Variants in AJAP1 observed in about 807,000 individuals in gnomAD.
AJAP1 encodes adherens junction-associated protein 1.
A neutral mutation model predicts 35.0 loss-of-function variants in AJAP1; 5 were observed. The observed-to-expected ratio is 0.14, with a 90% CI of 0.07 to 0.30. The LOEUF (loss-of-function observed/expected upper bound fraction) is 0.30, where lower values mean the gene tolerates loss of function less well. Among genes scored for constraint, AJAP1 ranks in the 10% least tolerant of loss-of-function variants. The probability of loss-of-function intolerance (pLI) is 1.00; values close to 1 mark genes in which losing one functional copy is unlikely to be tolerated. For missense variants in AJAP1, 586 were observed against 571.0 expected, an observed-to-expected ratio of 1.03 and a Z score of -0.27; for synonymous variants, 284 against 249.3, an observed-to-expected ratio of 1.14 and a Z score of -1.31.
chr1:4,702,790 G>A (rs1040263023), intron 1 of AJAP1, among the ~76,000 whole-genome samples: 11 of 152,168 alleles, frequency 7.2e-5, no homozygotes, highest in South Asian at 2.1e-4. Context: ...GTTCTGGGCC[G>A]CCTCCCAGAG....
At position 4,788,617 on chromosome 1, in the gene AJAP1, C is replaced by T. The variant is rs936956816; in HGVS notation, c.*6132C>T. 1 of 152,320 alleles carries T rather than the reference C, an allele frequency of 6.6e-6. No homozygotes were observed. Among genetic ancestry groups the T allele is most frequent in the African/African-American group, 2.4e-5 (1 of 41,438 alleles). The allele number at this position is 152,320 out of a possible 1,614,324, so 9.4% of individuals were successfully genotyped here. A position where few individuals can be genotyped will look rare whatever the true frequency, so the allele number is the denominator to read the frequency against. On this transcript the variant is annotated 3_prime_UTR_variant, in exon 6 of 6. Coordinates refer to ENST00000378191, the MANE Select transcript of AJAP1 (RefSeq NM_018836.4). ...CCCACCCTACTCTCTGCCTGAAACA[C>T]AAAGCAGCTCCCCTCAGAACAGCCA...
chr1:4,786,607 C>T lies in AJAP1; in HGVS notation c.*4122C>T, dbSNP rs1642164938. Reference sequence around the variant, plus strand: ...AAAGGTGAACGCACCAAAGGATCGACCCTGTCACCTTGGATGGTCTCTATT... The same window carrying T: ...AAAGGTGAACGCACCAAAGGATCGATCCTGTCACCTTGGATGGTCTCTATT... On this transcript the variant is annotated 3_prime_UTR_variant, in exon 6 of 6. Coordinates refer to ENST00000378191, the MANE Select transcript of AJAP1 (RefSeq NM_018836.4). The T allele has an allele frequency of 6.6e-6, 1 of 152,196 alleles. No individual in the cohort carries two copies. The highest frequency in any genetic ancestry group is 1.5e-5 in the Non-Finnish European group (1 of 68,050). 9.4% of individuals were successfully genotyped at this position (152,196 alleles called of 1,614,324 possible). A position where few individuals can be genotyped will look rare whatever the true frequency, so the allele number is the denominator to read the frequency against.
intron 2 of AJAP1, among the ~76,000 whole-genome samples, chr1:4,738,118 T>G (rs1640973038): frequency 6.6e-6 from 1 of 152,198 alleles, no homozygotes; most frequent in Non-Finnish European, 1.5e-5. Context: ...CTTCTTGTCT[T>G]GCTAATGTTT....
chr1:4,747,259 C>T (rs1396463638), intron 2 of AJAP1, among the ~76,000 whole-genome samples: 1 of 152,158 alleles, frequency 6.6e-6, no homozygotes, highest in African/African-American at 2.4e-5. Context: ...CTCTGGCCCT[C>T]TCCACTTGCC....
intron 1 of AJAP1, among the ~76,000 whole-genome samples, chr1:4,672,681 G>A (rs1387778462): frequency 6.6e-6 from 1 of 152,202 alleles, no homozygotes; most frequent in Non-Finnish European, 1.5e-5. Context: ...CATCCAGGCT[G>A]TGTGAGTGAG....
intron 2 of AJAP1, among the ~76,000 whole-genome samples, chr1:4,756,011 C>G (rs1005441595): frequency 6.6e-6 from 1 of 152,110 alleles, no homozygotes; most frequent in African/African-American, 2.4e-5. Flanking sequence ...GCTAAACTCA[C>G]TTAGCAGGGT....
At chr1:4,760,419 A>G (rs1641538811) in intron 2 of AJAP1, among the ~76,000 whole-genome samples, 1 of 152,088 alleles carries the variant, frequency 6.6e-6, no homozygotes. Context: ...GTGTTCATGC[A>G]TGCTTTGGAA....
chr1:4,713,608 G>T (rs979213457), intron 2 of AJAP1, among the ~76,000 whole-genome samples: 3 of 152,230 alleles, frequency 2.0e-5, no homozygotes, highest in Non-Finnish European at 4.4e-5. Flanking sequence ...GGAGAGCGCA[G>T]AGCCCTGGGC....
Position 4,693,889 on chromosome 1 carries a change from C to G in AJAP1, c.30-18011C>G, listed in dbSNP as rs184226006. On this transcript the variant is annotated intron_variant, in intron 1 of 5. Coordinates refer to ENST00000378191, the MANE Select transcript of AJAP1 (RefSeq NM_018836.4). The surrounding 1 kb of genome is among the most constrained non-coding windows in gnomAD (Gnocchi z 4.4). Reference sequence around the variant, plus strand: ...AAGGGGGCAGAGCCTTCAGGGCCCCCTCACCTCTTACAGGTCCCACCTCAG... The same window carrying G: ...AAGGGGGCAGAGCCTTCAGGGCCCCGTCACCTCTTACAGGTCCCACCTCAG... Among the ~76,000 whole-genome samples, 351 of 152,300 alleles carry G rather than the reference C, an allele frequency of 2.3e-3. No individual in the cohort carries two copies. Among genetic ancestry groups the G allele is most frequent in the African/African-American group, 7.7e-3 (318 of 41,560 alleles).
chr1:4,717,123 A>G (rs1640410687), intron 2 of AJAP1, among the ~76,000 whole-genome samples: 1 of 152,214 alleles, frequency 6.6e-6, no homozygotes, highest in Admixed American at 6.5e-5. Context: ...GGAATCACAG[A>G]GTCTCCTGGG....
At chr1:4,756,734 A>C (rs1641440530) in intron 2 of AJAP1, among the ~76,000 whole-genome samples, 1 of 152,202 alleles carries the variant, frequency 6.6e-6, no homozygotes, top group African/African-American at 2.4e-5. Context: ...TTCTGAAACA[A>C]GTTTGCTTTC....
At position 4,733,994 on chromosome 1, in the gene AJAP1, C is replaced by T. The variant is rs146510809; in HGVS notation, c.829+21295C>T. 4.1e-3 allele frequency among the ~76,000 whole-genome samples: 632 copies of T among 152,300 alleles called. 5 individuals carry two copies. The highest frequency in any genetic ancestry group is 0.014 in the African/African-American group (574 of 41,558). On this transcript the variant is annotated intron_variant, in intron 2 of 5. Transcript: ENST00000378191. ...AGCGGTTCACGCGAGGTGTGTGCGT[C>T]GCGAGCAGGGCCCTTGCCGGAGCTC...
rs750405906 is a variant in AJAP1 at position 4,655,453 on chromosome 1, A to G, written c.28A>G (p.Ser10Gly). The change falls in exon 1 of 6, where the codon AGC (serine) becomes GGC (glycine). Residue 10 changes from serine (S) to glycine (G), a missense_variant and splice_region_variant. Physicochemically the swap from Ser to Gly is moderately conservative, Grantham distance 56 (BLOSUM62 0). Transcript: ENST00000378191. The surrounding 1 kb of genome is among the most constrained non-coding windows in gnomAD (Gnocchi z 6.9). MWIQQLLGL[S>G]SMSIRWPGRP... Reference sequence around the variant, plus strand: ...GTGGATTCAACAGCTTTTAGGACTCAGGTGAGCGACCCGGCCGGCGCCGGG... The same window carrying G: ...GTGGATTCAACAGCTTTTAGGACTCGGGTGAGCGACCCGGCCGGCGCCGGG... The G allele has an allele frequency of 6.4e-7, 1 of 1,568,708 alleles. No homozygotes were observed. The highest frequency in any genetic ancestry group is 2.5e-5 in the East Asian group (1 of 39,878).
intron 1 of AJAP1, among the ~76,000 whole-genome samples, chr1:4,705,070 T>C (rs1458489337): frequency 5.3e-5 from 8 of 152,294 alleles, no homozygotes; most frequent in Admixed American, 3.3e-4. Context: ...CTTTGTCAGA[T>C]AAGTAGGTTG....
At chr1:4,678,353 C>T (rs1220204797) in intron 1 of AJAP1, among the ~76,000 whole-genome samples, 1 of 152,230 alleles carries the variant, frequency 6.6e-6, no homozygotes, top group African/African-American at 2.4e-5. Context: ...TATTATCTCA[C>T]ATGTTCCCTG....
intron 1 of AJAP1, among the ~76,000 whole-genome samples, chr1:4,670,707 T>C (rs554802397): frequency 6.6e-6 from 1 of 152,356 alleles, no homozygotes; most frequent in South Asian, 2.1e-4. Flanking sequence ...CCAGCCTCAT[T>C]GGTCTCCAGT....
Position 4,698,366 on chromosome 1 carries a change from C to G in AJAP1, c.30-13534C>G, listed in dbSNP as rs556076090. Among the ~76,000 whole-genome samples, 7 of 152,282 alleles carry G rather than the reference C, an allele frequency of 4.6e-5. No homozygotes were observed. In the East Asian group the frequency reaches 1.4e-3, roughly 30 times the overall value. ...GAGTCTTCATCTCACAGACCTTGGT[C>G]CCCTGCAAAGGCGTCATTTACATTC... is the stretch of plus-strand genomic sequence containing the variant. On this transcript the variant is annotated intron_variant, in intron 1 of 5. Coordinates refer to ENST00000378191, the MANE Select transcript of AJAP1 (RefSeq NM_018836.4).
At chr1:4,671,680 T>C (rs1639252874) in intron 1 of AJAP1, among the ~76,000 whole-genome samples, 1 of 152,196 alleles carries the variant, frequency 6.6e-6, no homozygotes, top group East Asian at 1.9e-4. Context: ...CATCAAATGA[T>C]GTGGACCTGT....
chr1:4,780,076 G>T (rs1268065254), intron 5 of AJAP1, among the ~76,000 whole-genome samples: 1 of 149,880 alleles, frequency 6.7e-6, no homozygotes, highest in Non-Finnish European at 1.5e-5. Context: ...CCCAGGAGGC[G>T]GAGGTTGCAG....
Sources: gnomAD v4.1 joint callset for allele counts (sites outside exome capture counted in the v4.1 genomes callset) on GRCh38, gnomAD v4.1.1 for gene constraint, Gnocchi (gnomAD v3.1) non-coding constraint, MANE v1.5 for transcripts, NCBI Gene and HGNC (gene_info 2026-07-23, HGNC 2026-07-21) for gene names.